Variants in CHSY1 observed in about 807,000 individuals in gnomAD.
The protein encoded by CHSY1 is chondroitin sulfate synthase 1.
A neutral mutation model predicts 59.8 loss-of-function variants in CHSY1; 13 were observed. That is an observed-to-expected ratio of 0.22 (90% CI 0.14 to 0.35). The LOEUF (loss-of-function observed/expected upper bound fraction) is 0.35. Among genes scored for constraint, CHSY1 ranks in the 10% least tolerant of loss-of-function variants. The pLI, the probability that CHSY1 is intolerant of heterozygous loss-of-function variation, is 1.00. For missense variants in CHSY1, 947 were observed against 1,030.6 expected, an observed-to-expected ratio of 0.92 and a Z score of 1.11; for synonymous variants, 459 against 401.2, an observed-to-expected ratio of 1.14 and a Z score of -1.72.
At chr15:101,194,899 A>G (rs910606621) in intron 2 of CHSY1, among the ~76,000 whole-genome samples, 2 of 152,204 alleles carry the variant, frequency 1.3e-5, no homozygotes, top group African/African-American at 4.8e-5. Flanking sequence ...CCAAGAAGAT[A>G]AGATCTCATG....
At chr15:101,194,897 A>G (rs985323752) in intron 2 of CHSY1, among the ~76,000 whole-genome samples, 1 of 152,192 alleles carries the variant, frequency 6.6e-6, no homozygotes, top group African/African-American at 2.4e-5. Flanking sequence ...TGCCAAGAAG[A>G]TAAGATCTCA....
At chr15:101,243,144 G>C (rs2039018926) in intron 1 of CHSY1, among the ~76,000 whole-genome samples, 1 of 152,142 alleles carries the variant, frequency 6.6e-6, no homozygotes, top group South Asian at 2.1e-4. Context: ...GGTATTAAGA[G>C]CTACGAGGAG....
At chr15:101,192,664 C>A (rs974696952) in intron 2 of CHSY1, among the ~76,000 whole-genome samples, 2 of 141,732 alleles carry the variant, frequency 1.4e-5, no homozygotes, top group Non-Finnish European at 3.1e-5. Flanking sequence ...AAACGCCTCC[C>A]TCGTGGCTCC....
At chr15:101,247,116 GCTTT>G (rs1332106323) in intron 1 of CHSY1, among the ~76,000 whole-genome samples, 2 of 152,226 alleles carry the variant, frequency 1.3e-5, no homozygotes, top group African/African-American at 2.4e-5. Context: ...CCCTCCAGTG[GCTTT>G]CTAATTCACT....
chr15:101,230,985 T>C (rs1424040973), intron 2 of CHSY1, among the ~76,000 whole-genome samples: 2 of 152,216 alleles, frequency 1.3e-5, no homozygotes, highest in Admixed American at 6.5e-5. Flanking sequence ...CAGAGCTTCA[T>C]AACTGGTGTA....
rs2038213711 is a variant in CHSY1 at position 101,177,868 on chromosome 15, T to G, written c.1929A>C (p.Arg643=). 1 of 1,614,202 alleles carries G rather than the reference T, an allele frequency of 6.2e-7. No individual in the cohort carries two copies. Among genetic ancestry groups the G allele is most frequent in the East Asian group, 2.2e-5 (1 of 44,886 alleles). ...DLVFTTEFLQ[R]CRANTVLGQQ... Reference sequence around the variant, plus strand: ...GGCCCAGAACTGTATTTGCTCGACATCGCTGAAGGAATTCTGTAGTAAACA... The same window carrying G: ...GGCCCAGAACTGTATTTGCTCGACAGCGCTGAAGGAATTCTGTAGTAAACA... The change falls in exon 3 of 3, where the codon CGA becomes CGC. Residue 643 remains arginine, a synonymous_variant. Coordinates refer to ENST00000254190, the MANE Select transcript of CHSY1 (RefSeq NM_014918.5).
At chr15:101,247,511 C>T (rs2039063650) in intron 1 of CHSY1, among the ~76,000 whole-genome samples, 1 of 152,144 alleles carries the variant, frequency 6.6e-6, no homozygotes, top group Non-Finnish European at 1.5e-5. Context: ...CTGCAGTGTC[C>T]CCCAGGACTC....
At chr15:101,234,162 G>A (rs1263872723) in intron 2 of CHSY1, among the ~76,000 whole-genome samples, 5 of 152,250 alleles carry the variant, frequency 3.3e-5, no homozygotes, top group South Asian at 4.1e-4. Context: ...GACTTCCTTC[G>A]GCAAATTTCA....
chr15:101,235,526 A>T lies in CHSY1; in HGVS notation c.372T>A (p.Gly124=), dbSNP rs1162125220. Residue 124 remains glycine, a synonymous_variant, in exon 2 of 3, where the codon GGT becomes GGA. Coordinates refer to ENST00000254190, the MANE Select transcript of CHSY1 (RefSeq NM_014918.5). The part of the protein sequence containing the change: ...PGKVQFFSSE[G]SDTSVPIPVV... ...CTGGAATTGGTACAGATGTGTCAGA[A>T]CCCTCACTTGAGAAGAACTGAACTT... 1 of 1,613,538 alleles carries T rather than the reference A, an allele frequency of 6.2e-7. No individual in the cohort carries two copies. The highest frequency in any genetic ancestry group is 8.5e-7 in the Non-Finnish European group (1 of 1,179,990).
At chr15:101,251,023 G>C (rs979372529) in intron 1 of CHSY1, 114 bp downstream of exon 1, 1 of 1,012,932 alleles carries the variant, frequency 9.9e-7, no homozygotes, top group Non-Finnish European at 1.4e-6. Context: ...GATCCCGCCG[G>C]AAGCCCAAGA....
At chr15:101,239,035 T>C (rs1410498094) in intron 1 of CHSY1, among the ~76,000 whole-genome samples, 1 of 152,154 alleles carries the variant, frequency 6.6e-6, no homozygotes, top group African/African-American at 2.4e-5. Context: ...CTTGGGAAGT[T>C]AGTAAGGACA....
At chr15:101,212,989 T>A (rs1455135784) in intron 2 of CHSY1, among the ~76,000 whole-genome samples, 1 of 152,066 alleles carries the variant, frequency 6.6e-6, no homozygotes, top group Admixed American at 6.6e-5. Context: ...TTCATAAATA[T>A]TGAATAAAAA....
intron 2 of CHSY1, among the ~76,000 whole-genome samples, chr15:101,189,213 A>G (rs993473432): frequency 6.6e-6 from 1 of 152,206 alleles, no homozygotes; most frequent in African/African-American, 2.4e-5. Context: ...TTCTCTCCCA[A>G]GGTGTTTCTA....
At chr15:101,207,726 C>T (rs2038641543) in intron 2 of CHSY1, among the ~76,000 whole-genome samples, 1 of 152,188 alleles carries the variant, frequency 6.6e-6, no homozygotes, top group Non-Finnish European at 1.5e-5. Context: ...TTTTAAAATC[C>T]TCTGAGAATG....
intron 2 of CHSY1, among the ~76,000 whole-genome samples, chr15:101,205,089 G>T (rs2038611753): frequency 6.6e-6 from 1 of 152,178 alleles, no homozygotes; most frequent in Admixed American, 6.5e-5. Flanking sequence ...CATAAAGCAA[G>T]AAGTTTTTCC....
chr15:101,198,022 A>G (rs758378306), intron 2 of CHSY1, among the ~76,000 whole-genome samples: 4 of 152,244 alleles, frequency 2.6e-5, no homozygotes, highest in Non-Finnish European at 4.4e-5. Flanking sequence ...CTCATCGCCA[A>G]TGTATCTGTC....
At chr15:101,231,110 TG>T (rs113801929) in intron 2 of CHSY1, among the ~76,000 whole-genome samples, 3,454 of 152,164 alleles carry the variant, frequency 0.023, 89 homozygotes, top group East Asian at 0.067. Context: ...AGCTAGGGAT[TG>T]GGGTAACAGC....
chr15:101,235,183 T>C lies in CHSY1; in HGVS notation c.715A>G (p.Ile239Val), dbSNP rs1197370649. ...REVLRRMVPH[I>V]GKCLREMYTT... ...TACATCTCCCGGAGACACTTGCCAA[T>C]GTGCGGCACCATTCTCCGAAGCACC... is the stretch of plus-strand genomic sequence containing the variant. Residue 239 changes from isoleucine to valine, a missense_variant, in exon 2 of 3, where the codon ATT becomes GTT. By Grantham distance (29) the Ile-to-Val change is conservative. Coordinates refer to ENST00000254190, the MANE Select transcript of CHSY1 (RefSeq NM_014918.5). 6.2e-6 allele frequency: 10 copies of C among 1,613,958 alleles called. No individual in the cohort carries two copies. Among genetic ancestry groups the C allele is most frequent in the Non-Finnish European group, 8.5e-6 (10 of 1,179,864 alleles).
chr15:101,229,049 G>C (rs956235818), intron 2 of CHSY1, among the ~76,000 whole-genome samples: 4 of 152,028 alleles, frequency 2.6e-5, no homozygotes, highest in African/African-American at 9.7e-5. Flanking sequence ...TAAATTATCA[G>C]GTAAGATGTT....
Sources: gnomAD v4.1 joint callset for allele counts (sites outside exome capture counted in the v4.1 genomes callset) on GRCh38, gnomAD v4.1.1 for gene constraint, MANE v1.5 for transcripts, NCBI Gene and HGNC (gene_info 2026-07-23, HGNC 2026-07-21) for gene names.